CEACAM18: variants seen among roughly 807,000 people sequenced by gnomAD.
CEACAM18 encodes CEA cell adhesion molecule 18.
CEACAM18 carries 33 observed loss-of-function variants against 34.3 expected under a neutral mutation model. The ratio of observed to expected loss-of-function variants is 0.96; its 90% CI spans 0.73 to 1.29. The LOEUF is 1.29. Among genes scored for constraint, CEACAM18 ranks in the 50% most tolerant of loss-of-function variants. The probability of loss-of-function intolerance (pLI) is 0.00; values close to 1 mark genes in which losing one functional copy is unlikely to be tolerated. For synonymous variants in CEACAM18, 169 were observed against 180.9 expected, an observed-to-expected ratio of 0.93 and a Z score of 0.53; for missense variants, 474 against 485.0, an observed-to-expected ratio of 0.98 and a Z score of 0.21.
In CEACAM18 at chr19:51,484,851, G is replaced by A. The variant is rs1027384357; in HGVS notation, c.954-136G>A. ...TGTTTTGTTGGCTGCTGAATCCCTC[G>A]TACCTGGAACAGTGCTTTGCTGATA... is the stretch of plus-strand genomic sequence containing the variant. On this transcript the variant is annotated intron_variant, in intron 4 of 5. Coordinates refer to ENST00000396477, the Ensembl canonical transcript of CEACAM18. The A allele has an allele frequency of 2.1e-5, 23 of 1,114,636 alleles. No individual in the cohort carries two copies. In the East Asian group the frequency reaches 2.9e-4, roughly 14 times the overall value. 69.0% of individuals were successfully genotyped at this position (1,114,636 alleles called of 1,614,324 possible).
Position 51,489,644 on chromosome 19 carries a change from C to T in CEACAM18, c.1090-943C>T, listed in dbSNP as rs1474489281. Among the ~76,000 whole-genome samples the T allele has an allele frequency of 2.0e-5, 3 of 152,082 alleles. No individual in the cohort carries two copies. The South Asian group carries it at 6.2e-4, about 32-fold the overall frequency. ...CCCTTCACCAAGGAGCCTACAATGTCGACCATACAGTGAGATAGCAGGCAA... is the reference window on the plus strand; with the variant it reads ...CCCTTCACCAAGGAGCCTACAATGTTGACCATACAGTGAGATAGCAGGCAA... On this transcript the variant is annotated intron_variant, in intron 5 of 5. Transcript: ENST00000396477.
exon 2 of CEACAM18, chr19:51,480,626 C>A: frequency 6.2e-7 from 1 of 1,613,886 alleles, no homozygotes; most frequent in Non-Finnish European, 8.5e-7. Flanking sequence ...CTACACTGTT[C>A]GGGTGGTTGC....
chr19:51,481,011 T>A lies in CEACAM18; in HGVS notation c.400+331T>A, dbSNP rs76043178. 5.2e-3 allele frequency among the ~76,000 whole-genome samples: 790 copies of A among 152,104 alleles called. 2 individuals carry two copies. The highest frequency in any genetic ancestry group is 8.2e-3 in the Non-Finnish European group (557 of 67,996). ...TGGTTTGTCGTAGCGTTGGAGGGAG[T>A]ATTCGTAAAGTGAATGGGACTCAAA... is the stretch of plus-strand genomic sequence containing the variant. On this transcript the variant is annotated intron_variant, in intron 2 of 5. Transcript: ENST00000396477.
At chr19:51,489,520 G>A (rs1031029621) in intron 5 of CEACAM18, among the ~76,000 whole-genome samples, 6 of 151,982 alleles carry the variant, frequency 3.9e-5, no homozygotes, top group African/African-American at 7.3e-5. Flanking sequence ...CACAGCATAC[G>A]TGTATGCGTT....
At chr19:51,490,461 C>A in intron 5 of CEACAM18, 126 bp from the exon 6 acceptor site, 1 of 682,032 alleles carries the variant, frequency 1.5e-6, no homozygotes, top group Non-Finnish European at 2.1e-6. Flanking sequence ...CCATTGGGTC[C>A]CATGTGAGGA....
chr19:51,489,175 GAAATTTTGGATGATT>G (rs1990049154), intron 5 of CEACAM18, among the ~76,000 whole-genome samples: 1 of 146,512 alleles, frequency 6.8e-6, no homozygotes, highest in Admixed American at 6.8e-5. Flanking sequence ...CATCCAAAGT[GAAATTTTGGATGATT>G]AGGTTGACAT....
At chr19:51,483,265 T>C (rs768233886) in exon 4 of CEACAM18, 1 of 1,614,032 alleles carries the variant, frequency 6.2e-7, no homozygotes, top group East Asian at 2.2e-5. Context: ...GCTGATCATG[T>C]ACATGGACGT....
exon 3 of CEACAM18, chr19:51,481,416 T>C (rs1271498791): frequency 6.2e-7 from 1 of 1,613,928 alleles, no homozygotes; most frequent in Non-Finnish European, 8.5e-7. Context: ...TCTGGGCATC[T>C]CCGTCAATGC....
chr19:51,486,174 G>C (rs78803069), intron 5 of CEACAM18, among the ~76,000 whole-genome samples: 11,997 of 152,112 alleles, frequency 0.079, 580 homozygotes, highest in African/African-American at 0.13. Context: ...AAAGATGATG[G>C]TAGTGTTGCT....
exon 5 of CEACAM18, chr19:51,485,005 A>T (rs1989976357): frequency 1.3e-6 from 2 of 1,536,138 alleles, no homozygotes; most frequent in Non-Finnish European, 1.7e-6. Flanking sequence ...CCTGTTGTCC[A>T]CAGAGATTTC....
chr19:51,481,517 C>T (rs752528622), exon 3 of CEACAM18: 6 of 1,613,998 alleles, frequency 3.7e-6, no homozygotes, highest in South Asian at 1.1e-5. Context: ...ATGTGCCTAC[C>T]TCTAGTAGTG....
chr19:51,488,274 G>A (rs562167138), intron 5 of CEACAM18, among the ~76,000 whole-genome samples: 2 of 152,268 alleles, frequency 1.3e-5, no homozygotes, highest in African/African-American at 4.8e-5. Context: ...TGATATGATG[G>A]TATTAATAAC....
chr19:51,479,475 C>G (rs751679985), intron 1 of CEACAM18, among the ~76,000 whole-genome samples: 1 of 152,214 alleles, frequency 6.6e-6, no homozygotes, highest in Non-Finnish European at 1.5e-5. Context: ...GCGCTGGGGA[C>G]TCAGTGGTGA....
Position 51,489,707 on chromosome 19 carries a change from G to T in CEACAM18, c.1090-880G>T, listed in dbSNP as rs538108242. Among the ~76,000 whole-genome samples, 3 of 152,148 alleles carry T rather than the reference G, an allele frequency of 2.0e-5. No homozygotes were observed. The South Asian group carries it at 6.2e-4, about 32-fold the overall frequency. ...TGCTTTACTTGCCATGTGTAAAATG[G>T]AACTAACACTGGTCCAAACCTCACA... On this transcript the variant is annotated intron_variant, in intron 5 of 5. Transcript: ENST00000396477.
intron 5 of CEACAM18, among the ~76,000 whole-genome samples, chr19:51,490,373 A>T (rs894455811): frequency 1.3e-5 from 2 of 151,868 alleles, no homozygotes; most frequent in Admixed American, 6.6e-5. Context: ...ATCTTCCTCC[A>T]GTGCCCTCGG....
intron 1 of CEACAM18, 63 bp downstream of exon 1, chr19:51,478,757 G>C: frequency 8.2e-7 from 1 of 1,215,178 alleles, no homozygotes; most frequent in South Asian, 2.6e-5. Flanking sequence ...TAGGAGCAAA[G>C]CGGCGGGGAG....
chr19:51,489,445 C>T (rs754730401), intron 5 of CEACAM18, among the ~76,000 whole-genome samples: 2 of 151,956 alleles, frequency 1.3e-5, no homozygotes, highest in Non-Finnish European at 2.9e-5. Context: ...CTGGATACCA[C>T]CCAAAAGGCA....
intron 4 of CEACAM18, 132 bp from the exon 5 acceptor site, chr19:51,484,855 C>A: frequency 1.7e-6 from 2 of 1,157,908 alleles, no homozygotes; most frequent in Non-Finnish European, 2.5e-6. Context: ...TCCCTCGTAC[C>A]TGGAACAGTG....
chr19:51,490,806 C>T (rs1419197284), exon 6 of CEACAM18: 7 of 403,260 alleles, frequency 1.7e-5, no homozygotes, highest in Non-Finnish European at 3.0e-5. Flanking sequence ...TCTGCAGACC[C>T]CACCCGGGAC....
Sources: gnomAD v4.1 joint callset for allele counts (sites outside exome capture counted in the v4.1 genomes callset) on GRCh38, gnomAD v4.1.1 for gene constraint, MANE v1.5 for transcripts, NCBI Gene and HGNC (gene_info 2026-07-23, HGNC 2026-07-21) for gene names.